The following CAND1 variants were observed in gnomAD, a reference collection of about 807,000 sequenced individuals.
CAND1 encodes the protein cullin-associated NEDD8-dissociated protein 1.
Under a neutral mutation model 108.5 loss-of-function variants are expected in CAND1, and 7 were observed. The observed-to-expected ratio is 0.06, with a 90% CI of 0.04 to 0.12. The LOEUF (loss-of-function observed/expected upper bound fraction) is 0.12, where lower values mean the gene tolerates loss of function less well. Among genes scored for constraint, CAND1 ranks in the 10% least tolerant of loss-of-function variants. The pLI, the probability that CAND1 is intolerant of heterozygous loss-of-function variation, is 1.00. For missense variants in CAND1, 941 were observed against 1,448.7 expected, an observed-to-expected ratio of 0.65 and a Z score of 5.69; for synonymous variants, 534 against 512.0, an observed-to-expected ratio of 1.04 and a Z score of -0.58.
At chr12:67,290,097 TA>T (rs1326239727) in intron 2 of CAND1, among the ~76,000 whole-genome samples, 1 of 152,244 alleles carries the variant, frequency 6.6e-6, no homozygotes, top group Non-Finnish European at 1.5e-5. Context: ...GCCTTTTGTA[TA>T]AAGCAGTTCT....
Position 67,317,394 on chromosome 12 carries a change from A to G in CAND1, c.*4564A>G, listed in dbSNP as rs1324515483. The G allele has an allele frequency of 6.6e-6, 1 of 151,678 alleles. No homozygotes were observed. The highest frequency in any genetic ancestry group is 1.5e-5 in the Non-Finnish European group (1 of 68,014). 9.4% of individuals were successfully genotyped at this position (151,678 alleles called of 1,614,324 possible). On this transcript the variant is annotated 3_prime_UTR_variant, in exon 15 of 15. Coordinates refer to ENST00000545606, the MANE Select transcript of CAND1 (RefSeq NM_018448.5). ...TCAAGCAATCCTGTGTTGGCCTCCT[A>G]AACTGCTGAGATTATTGCAAGTGCC...
At position 67,319,309 on chromosome 12, in the gene CAND1, C is replaced by T. The variant is rs1284840006; in HGVS notation, c.*6479C>T. 2 of 152,242 alleles carry T rather than the reference C, an allele frequency of 1.3e-5. No homozygotes were observed. Among genetic ancestry groups the T allele is most frequent in the Non-Finnish European group, 2.9e-5 (2 of 68,056 alleles). The allele number at this position is 152,242 out of a possible 1,614,324, so 9.4% of individuals were successfully genotyped here. A position where few individuals can be genotyped will look rare whatever the true frequency, so the allele number is the denominator to read the frequency against. ...AACTAGGACTAACTTTTTCTTCTGA[C>T]AACTATAAAATATTTCCCTTGCCTT... On this transcript the variant is annotated 3_prime_UTR_variant, in exon 15 of 15. Transcript: ENST00000545606.
Position 67,269,747 on chromosome 12 carries a change from T to C in CAND1, c.30T>C (p.Asn10=). The change falls in exon 1 of 15, where the codon AAT becomes AAC. Residue 10 remains asparagine, a synonymous_variant. Transcript: ENST00000545606. MASASYHIS[N]LLEKMTSSDK... ...CGAGCGCCTCGTACCACATTTCCAA[T>C]TTGCTGGAAAAAATGACATCCAGCG... 1 of 1,606,412 alleles carries C rather than the reference T, an allele frequency of 6.2e-7. No homozygotes were observed. Among genetic ancestry groups the C allele is most frequent in the Non-Finnish European group, 8.5e-7 (1 of 1,177,590 alleles).
At chr12:67,300,778 AAT>A (rs2044817554) in intron 7 of CAND1, among the ~76,000 whole-genome samples, 1 of 152,184 alleles carries the variant, frequency 6.6e-6, no homozygotes, top group South Asian at 2.1e-4. Context: ...ACACACAGGC[AAT>A]CAATAAATGG....
rs776636776 is a variant in CAND1 at position 67,306,305 on chromosome 12, A to C, written c.2637A>C (p.Ala879=). 6.2e-7 allele frequency: 1 copy of C among 1,614,172 alleles called. No individual in the cohort carries two copies. Among genetic ancestry groups the C allele is most frequent in the East Asian group, 2.2e-5 (1 of 44,886 alleles). The change falls in exon 10 of 15, where the codon GCA becomes GCC. Residue 879 remains alanine, a synonymous_variant. Coordinates refer to ENST00000545606, the MANE Select transcript of CAND1 (RefSeq NM_018448.5). ...AAGTCAAATCAGCTGCATCCTATGC[A>C]TTAGGCAGCATTAGTGTGGGCAACC... The part of the protein sequence containing the change: ...SEEVKSAASY[A]LGSISVGNLP...
Position 67,297,764 on chromosome 12 carries a change from G to C in CAND1, c.765G>C (p.Lys255Asn). Reference protein sequence around the residue: ...AGHRIGEYLEKIIPLVVKFCN... With the variant: ...AGHRIGEYLENIIPLVVKFCN... ...TTTTCTTAGGTGAATACCTTGAGAA[G>C]ATAATTCCTTTGGTGGTAAAATTTT... The change falls in exon 6 of 15, where the codon AAG (lysine) becomes AAC (asparagine). Residue 255 changes from lysine to asparagine, a missense_variant. Around this residue, in one of 9 missense-constraint regions of CAND1, gnomAD observed 697 missense variants for 942.0 expected, o/e 0.74. Transcript: ENST00000545606. 6.2e-7 allele frequency: 1 copy of C among 1,607,470 alleles called. No individual in the cohort carries two copies. The highest frequency in any genetic ancestry group is 8.5e-7 in the Non-Finnish European group (1 of 1,175,408).
chr12:67,291,782 A>G (rs1387563528), intron 2 of CAND1, among the ~76,000 whole-genome samples: 4 of 152,200 alleles, frequency 2.6e-5, no homozygotes, highest in African/African-American at 4.8e-5. Context: ...TTGAATTTTT[A>G]GATGAGGGAT....
At chr12:67,282,547 C>T (rs1454799390) in intron 2 of CAND1, among the ~76,000 whole-genome samples, 1 of 152,016 alleles carries the variant, frequency 6.6e-6, no homozygotes, top group Non-Finnish European at 1.5e-5. Context: ...CTAAAATCCT[C>T]CTGCCTCATT....
Position 67,314,731 on chromosome 12 carries a change from A to G in CAND1, c.*1901A>G, listed in dbSNP as rs1315936434. On this transcript the variant is annotated 3_prime_UTR_variant, in exon 15 of 15. Coordinates refer to ENST00000545606, the MANE Select transcript of CAND1 (RefSeq NM_018448.5). Reference sequence around the variant, plus strand: ...TGTTTGTTTTTAACTTTCAAGATGCATGTTTTGTTTTGTTTTGCTTTGTTT... The same window carrying G: ...TGTTTGTTTTTAACTTTCAAGATGCGTGTTTTGTTTTGTTTTGCTTTGTTT... The G allele has an allele frequency of 1.3e-5, 2 of 152,116 alleles. No individual in the cohort carries two copies. Among genetic ancestry groups the G allele is most frequent in the African/African-American group, 2.4e-5 (1 of 41,430 alleles). 9.4% of individuals were successfully genotyped at this position (152,116 alleles called of 1,614,324 possible).
At chr12:67,302,702 ATATC>A (rs2044837869) in intron 8 of CAND1, 87 bp downstream of exon 8, 2 of 1,174,236 alleles carry the variant, frequency 1.7e-6, no homozygotes, top group Admixed American at 2.2e-5. Flanking sequence ...GAGTTCCAGA[ATATC>A]TATAGAGAAG....
chr12:67,299,723 AAGT>A (rs1485125363), intron 7 of CAND1, among the ~76,000 whole-genome samples: 2 of 152,154 alleles, frequency 1.3e-5, no homozygotes, highest in African/African-American at 4.8e-5. Context: ...TTACTCTGGA[AAGT>A]AGTAGCAGCA....
intron 8 of CAND1, among the ~76,000 whole-genome samples, chr12:67,303,040 G>A (rs938068620): frequency 4.6e-5 from 7 of 152,136 alleles, no homozygotes; most frequent in African/African-American, 1.7e-4. Context: ...TGTGAGAGCT[G>A]GGTGATCTGT....
At chr12:67,289,456 A>G (rs2044702404) in intron 2 of CAND1, among the ~76,000 whole-genome samples, 1 of 152,130 alleles carries the variant, frequency 6.6e-6, no homozygotes, top group South Asian at 2.1e-4. Flanking sequence ...TGGTGTGATC[A>G]TGGCTCACTG....
intron 1 of CAND1, among the ~76,000 whole-genome samples, chr12:67,279,401 C>T (rs1592604509): frequency 6.6e-6 from 1 of 152,138 alleles, no homozygotes; most frequent in East Asian, 1.9e-4. Flanking sequence ...TCAAACTGGT[C>T]AAACAGCTTC....
intron 1 of CAND1, among the ~76,000 whole-genome samples, chr12:67,279,713 C>G (rs138988152): frequency 6.6e-6 from 1 of 152,072 alleles, no homozygotes; most frequent in African/African-American, 2.4e-5. Context: ...GTCCTGATTT[C>G]TTAGTCCAGA....
chr12:67,301,072 G>A (rs2044820370), intron 7 of CAND1, among the ~76,000 whole-genome samples: 1 of 152,006 alleles, frequency 6.6e-6, no homozygotes, highest in Admixed American at 6.6e-5. Flanking sequence ...ATTTCTGGGA[G>A]GCAATTGCCA....
At position 67,315,858 on chromosome 12, in the gene CAND1, T is replaced by C. The variant is rs970029705; in HGVS notation, c.*3028T>C. 20 of 152,312 alleles carry C rather than the reference T, an allele frequency of 1.3e-4. No individual in the cohort carries two copies. The highest frequency in any genetic ancestry group is 4.6e-4 in the African/African-American group (19 of 41,580). The allele number at this position is 152,312 out of a possible 1,614,324, so 9.4% of individuals were successfully genotyped here. ...GATTGAAGTTCAAAATGAGGAAGTA[T>C]ACAAAATCCTCAGCCACTGAAAAAT... On this transcript the variant is annotated 3_prime_UTR_variant, in exon 15 of 15. Transcript: ENST00000545606.
At position 67,310,491 on chromosome 12, in the gene CAND1, C is replaced by T. The variant is rs73320770; in HGVS notation, c.3360+175C>T. ...TAATAGGCAGTGTAACACCAGTTGA[C>T]GTGTAAGAAAGATCCAGAGCCCTTT... On this transcript the variant is annotated intron_variant, in intron 13 of 14. Coordinates refer to ENST00000545606, the MANE Select transcript of CAND1 (RefSeq NM_018448.5). 2,968 of 458,844 alleles carry T rather than the reference C, an allele frequency of 6.5e-3. 61 individuals are homozygous for T. The highest frequency in any genetic ancestry group is 0.052 in the African/African-American group (2,638 of 50,398). The allele number at this position is 458,844 out of a possible 1,614,324, so 28.4% of individuals were successfully genotyped here.
At chr12:67,297,974 A>C in intron 6 of CAND1, 121 bp downstream of exon 6, 1 of 502,366 alleles carries the variant, frequency 2.0e-6, no homozygotes, top group Non-Finnish European at 3.5e-6. Flanking sequence ...CAGACAATAC[A>C]GTATTTGAAA....
Sources: gnomAD v4.1 joint callset for allele counts (sites outside exome capture counted in the v4.1 genomes callset) on GRCh38, gnomAD v4.1.1 for gene constraint, gnomAD v4.1.1 regional missense constraint, MANE v1.5 for transcripts, NCBI Gene and HGNC (gene_info 2026-07-23, HGNC 2026-07-21) for gene names.